The following EAF2 variants were observed in gnomAD, a reference collection of about 807,000 sequenced individuals.
EAF2 encodes ELL associated factor 2.
A neutral mutation model predicts 29.4 loss-of-function variants in EAF2; 29 were observed. The observed-to-expected ratio is 0.99, with a 90% CI of 0.73 to 1.35. The LOEUF (loss-of-function observed/expected upper bound fraction) is 1.35, where lower values mean the gene tolerates loss of function less well. EAF2 is among the 40% of genes most tolerant of loss of function. The pLI, the probability that EAF2 is intolerant of heterozygous loss-of-function variation, is 0.00. For synonymous variants in EAF2, 103 were observed against 102.5 expected (o/e 1.00, Z -0.03); for missense variants, 292 against 312.0 (o/e 0.94, Z 0.48).
intron 1 of EAF2, among the ~76,000 whole-genome samples, chr3:121,837,090 TAAAC>T (rs1708315494): frequency 1.3e-5 from 2 of 152,086 alleles, no homozygotes; most frequent in Admixed American, 1.3e-4. Context: ...CAATAATAAA[TAAAC>T]AAACATACAT....
intron 2 of EAF2, among the ~76,000 whole-genome samples, chr3:121,851,578 A>C (rs1243685461): frequency 6.6e-6 from 1 of 152,224 alleles, no homozygotes; most frequent in Non-Finnish European, 1.5e-5. Flanking sequence ...GTGGTTTGTA[A>C]ACAGTGGCAA....
chr3:121,867,340 G>C (rs1247939890), intron 4 of EAF2, among the ~76,000 whole-genome samples: 1 of 151,980 alleles, frequency 6.6e-6, no homozygotes, highest in Admixed American at 6.6e-5. Flanking sequence ...TTGATGCCAA[G>C]GTACATCATA....
At position 121,872,686 on chromosome 3, in the gene EAF2, T is replaced by C; in HGVS notation, c.634T>C (p.Cys212Arg). 6.2e-7 allele frequency: 1 copy of C among 1,612,944 alleles called. No individual in the cohort carries two copies. Among genetic ancestry groups the C allele is most frequent in the Non-Finnish European group, 8.5e-7 (1 of 1,179,214 alleles). ...ATCCTCTACTTCTGATACAGGGAAT[T>C]GTGTCTCAGGACATCCTACCATGAC... The part of the protein sequence containing the change: ...CKSSTSDTGN[C>R]VSGHPTMTQY... The change falls in exon 5 of 6, where the codon TGT becomes CGT. Residue 212 changes from cysteine (C) to arginine (R), a missense_variant. Coordinates refer to ENST00000273668, the MANE Select transcript of EAF2 (RefSeq NM_018456.6).
At chr3:121,860,252 C>A (rs1363806194) in intron 4 of EAF2, among the ~76,000 whole-genome samples, 1 of 152,144 alleles carries the variant, frequency 6.6e-6, no homozygotes, top group Admixed American at 6.5e-5. Flanking sequence ...ATGATACCAG[C>A]CCCTCTTTCT....
intron 4 of EAF2, among the ~76,000 whole-genome samples, chr3:121,861,497 CT>C (rs1032644061): frequency 2.0e-5 from 3 of 151,140 alleles, no homozygotes; most frequent in African/African-American, 2.4e-5. Flanking sequence ...GCAACCCCTG[CT>C]TTTTTTTTGT....
chr3:121,865,276 A>G (rs1176522049), intron 4 of EAF2, among the ~76,000 whole-genome samples: 1 of 148,764 alleles, frequency 6.7e-6, no homozygotes, highest in African/African-American at 2.6e-5. Context: ...AAGTTAAAAA[A>G]AAGAAAGTTG....
At chr3:121,847,276 G>A (rs1409048582) in intron 2 of EAF2, among the ~76,000 whole-genome samples, 3 of 152,158 alleles carry the variant, frequency 2.0e-5, no homozygotes, top group South Asian at 4.1e-4. Context: ...AAAGAAACAG[G>A]AAAGAGAGGT....
At chr3:121,855,006 C>A (rs539010075) in intron 3 of EAF2, among the ~76,000 whole-genome samples, 183 bp downstream of exon 3, 2 of 152,142 alleles carry the variant, frequency 1.3e-5, no homozygotes, top group Non-Finnish European at 2.9e-5. Context: ...ACCACATTAC[C>A]CTGTGATATA....
At chr3:121,882,448 C>G (rs1376786725) in intron 5 of EAF2, among the ~76,000 whole-genome samples, 2 of 151,722 alleles carry the variant, frequency 1.3e-5, no homozygotes, top group African/African-American at 2.4e-5. Flanking sequence ...AAAAACAGAA[C>G]TCCTACAAAC....
At chr3:121,854,423 T>C (rs138895717) in intron 2 of EAF2, among the ~76,000 whole-genome samples, 1 of 152,130 alleles carries the variant, frequency 6.6e-6, no homozygotes, top group African/African-American at 2.4e-5. Flanking sequence ...TTACTCATTA[T>C]AGGCCAAAGA....
intron 2 of EAF2, among the ~76,000 whole-genome samples, chr3:121,846,103 G>A (rs755121979): frequency 2.0e-5 from 3 of 152,014 alleles, no homozygotes; most frequent in Admixed American, 1.3e-4. Context: ...GTGCTAGTCC[G>A]TCCACATTCT....
At chr3:121,870,395 G>T (rs1708991254) in intron 4 of EAF2, among the ~76,000 whole-genome samples, 1 of 152,172 alleles carries the variant, frequency 6.6e-6, no homozygotes, top group Non-Finnish European at 1.5e-5. Flanking sequence ...GAGAGGGAGG[G>T]TAGGGAAGAT....
At chr3:121,873,820 A>G (rs200504526) in intron 5 of EAF2, among the ~76,000 whole-genome samples, 1 of 85,558 alleles carries the variant, frequency 1.2e-5, no homozygotes, top group African/African-American at 5.1e-5. Flanking sequence ...TTTCTCCTTT[A>G]GATTATAGTT....
intron 4 of EAF2, among the ~76,000 whole-genome samples, chr3:121,861,713 A>T (rs558353155): frequency 6.6e-6 from 1 of 152,188 alleles, no homozygotes; most frequent in African/African-American, 2.4e-5. Context: ...TCCTGTCATT[A>T]TGATGTTAGC....
At chr3:121,874,262 A>C (rs192170508) in intron 5 of EAF2, among the ~76,000 whole-genome samples, 29 of 151,884 alleles carry the variant, frequency 1.9e-4, no homozygotes, top group African/African-American at 6.5e-4. Flanking sequence ...GGGAGAAGCC[A>C]AGACTGAGAG....
intron 4 of EAF2, among the ~76,000 whole-genome samples, chr3:121,865,471 G>A (rs1174825505): frequency 6.6e-6 from 1 of 152,046 alleles, no homozygotes; most frequent in Non-Finnish European, 1.5e-5. Flanking sequence ...TCAGGTTTAT[G>A]TCTGGCAGTT....
intron 5 of EAF2, among the ~76,000 whole-genome samples, chr3:121,883,289 G>C (rs1309480951): frequency 1.3e-5 from 2 of 152,136 alleles, no homozygotes; most frequent in Non-Finnish European, 2.9e-5. Flanking sequence ...TGCCTATACA[G>C]ACAACTATTG....
chr3:121,851,841 T>C (rs923161242), intron 2 of EAF2, among the ~76,000 whole-genome samples: 7 of 152,326 alleles, frequency 4.6e-5, no homozygotes, highest in African/African-American at 1.7e-4. Flanking sequence ...CGATAGGTGG[T>C]ATTCAATAGT....
At position 121,836,810 on chromosome 3, in the gene EAF2, A is replaced by C; in HGVS notation, c.106+1419A>C. ...TCCTTCTCAGGTATGCAATAGTCTTAATATTAATTTTTCAAGTTACAAGGG... is the reference window on the plus strand; with the variant it reads ...TCCTTCTCAGGTATGCAATAGTCTTCATATTAATTTTTCAAGTTACAAGGG... On this transcript the variant is annotated intron_variant, in intron 1 of 5. Coordinates refer to ENST00000273668, the MANE Select transcript of EAF2 (RefSeq NM_018456.6). 4.1e-6 allele frequency: 4 copies of C among 984,550 alleles called. No homozygotes were observed. The South Asian group carries it at 1.9e-4, about 46-fold the overall frequency. 61.0% of individuals were successfully genotyped at this position (984,550 alleles called of 1,614,324 possible).
Sources: gnomAD v4.1 joint callset for allele counts (sites outside exome capture counted in the v4.1 genomes callset) on GRCh38, gnomAD v4.1.1 for gene constraint, MANE v1.5 for transcripts, NCBI Gene and HGNC (gene_info 2026-07-23, HGNC 2026-07-21) for gene names.